MAPK10: variants seen among roughly 807,000 people sequenced by gnomAD.
MAPK10 encodes the protein JNK3 alpha protein kinase.
Under a neutral mutation model 59.3 loss-of-function variants are expected in MAPK10, and 25 were observed. The observed-to-expected ratio is 0.42, with a 90% CI of 0.31 to 0.59. The LOEUF is 0.59. MAPK10 is among the 20% of genes least tolerant of loss of function. The pLI, the probability that MAPK10 is intolerant of heterozygous loss-of-function variation, is 0.15. For missense variants in MAPK10, 351 were observed against 568.9 expected, an observed-to-expected ratio of 0.62 and a Z score of 3.90; for synonymous variants, 190 against 200.5, an observed-to-expected ratio of 0.95 and a Z score of 0.44.
rs546079724 is a variant in MAPK10, at chr4:86,203,969, G to A, written c.-6-9562C>T. On this transcript the variant is annotated intron_variant, in intron 2 of 13. Transcript: ENST00000641462. ...CTTAGAGCACGAGGCAGCAAGTTAT[G>A]GTCCATCAGTCAAATTCAGTTAATC... Among the ~76,000 whole-genome samples the A allele has an allele frequency of 9.2e-5, 14 of 151,832 alleles. No individual in the cohort carries two copies. The South Asian group carries it at 1.5e-3, about 16-fold the overall frequency.
At chr4:86,558,381 T>G (rs763549617) in intron 1 of MAPK10, among the ~76,000 whole-genome samples, 2 of 152,146 alleles carry the variant, frequency 1.3e-5, no homozygotes, top group Non-Finnish European at 2.9e-5. Flanking sequence ...CCTTCGAAAC[T>G]CTTTATGGGC....
intron 1 of MAPK10, among the ~76,000 whole-genome samples, chr4:86,516,770 G>A (rs1161408822): frequency 6.6e-6 from 1 of 152,136 alleles, no homozygotes; most frequent in Non-Finnish European, 1.5e-5. Context: ...TTTTTATCCT[G>A]AAATTTTACT....
chr4:86,260,589 T>C (rs894083218), intron 2 of MAPK10, among the ~76,000 whole-genome samples: 4 of 152,092 alleles, frequency 2.6e-5, no homozygotes, highest in Non-Finnish European at 4.4e-5. Flanking sequence ...ATAATTTCCA[T>C]AGTAGCTCCC....
At chr4:86,540,356 C>T (rs908500094) in intron 1 of MAPK10, among the ~76,000 whole-genome samples, 4 of 152,004 alleles carry the variant, frequency 2.6e-5, no homozygotes, top group African/African-American at 7.2e-5. Context: ...ACAAATTAGC[C>T]GGGTATGGTG....
At chr4:86,552,500 GGAAAGGAA>G (rs1565031824) in intron 1 of MAPK10, among the ~76,000 whole-genome samples, 2 of 41,072 alleles carry the variant, frequency 4.9e-5, no homozygotes, top group African/African-American at 7.4e-5. Context: ...AGGGAGGGAA[GGAAAGGAA>G]GGAAGGAAGG....
intron 1 of MAPK10, among the ~76,000 whole-genome samples, chr4:86,415,053 T>C (rs1180873462): frequency 6.6e-6 from 1 of 151,448 alleles, no homozygotes; most frequent in Non-Finnish European, 1.5e-5. Flanking sequence ...GGTGAAAGGA[T>C]TGCTTGACCC....
rs143050691 is a variant in MAPK10, at chr4:86,540,128, G to A, written c.-263+53782C>T. On this transcript the variant is annotated intron_variant, in intron 1 of 4. Coordinates refer to the MAPK10 transcript ENST00000502302. ...ATCAGAGCCATTGTCTTTGGGAGAG[G>A]AGAAATCCATTGCATGCTTAAATGT... Among the ~76,000 whole-genome samples the A allele has an allele frequency of 9.6e-3, 1,466 of 152,300 alleles. 15 individuals are homozygous for A. Among genetic ancestry groups the A allele is most frequent in the Middle Eastern group, 0.075 (22 of 294 alleles).
chr4:86,532,075 T>C (rs1430789858), intron 1 of MAPK10, among the ~76,000 whole-genome samples: 2 of 147,462 alleles, frequency 1.4e-5, no homozygotes, highest in Admixed American at 6.8e-5. Context: ...ATTATTTTTA[T>C]ATATATACAT....
At chr4:86,542,166 TA>T (rs1416538362) in intron 1 of MAPK10, among the ~76,000 whole-genome samples, 3 of 152,008 alleles carry the variant, frequency 2.0e-5, no homozygotes, top group African/African-American at 7.3e-5. Context: ...TCCAGAAAAA[TA>T]ACATTAAGAA....
intron 9 of MAPK10, among the ~76,000 whole-genome samples, chr4:86,084,716 G>A (rs1042830878): frequency 4.8e-5 from 7 of 144,504 alleles, no homozygotes; most frequent in African/African-American, 2.0e-4. Flanking sequence ...ATCAAAATAC[G>A]AATGGTGTTC....
chr4:86,327,398 T>C (rs1309884354), intron 2 of MAPK10: 1 of 152,024 alleles, frequency 6.6e-6, no homozygotes, highest in Non-Finnish European at 1.5e-5. Context: ...CCCAAAAAAT[T>C]ATCTCACTTT....
chr4:86,524,665 T>C (rs1757342048), intron 1 of MAPK10, among the ~76,000 whole-genome samples: 1 of 152,208 alleles, frequency 6.6e-6, no homozygotes, highest in Non-Finnish European at 1.5e-5. Flanking sequence ...TTCCTAAACA[T>C]GTTTCTGGTC....
At chr4:86,504,401 G>A (rs963965628) in intron 1 of MAPK10, among the ~76,000 whole-genome samples, 1 of 152,020 alleles carries the variant, frequency 6.6e-6, no homozygotes, top group Non-Finnish European at 1.5e-5. Context: ...ACATCCTTCC[G>A]ATTATTGTCT....
intron 1 of MAPK10, among the ~76,000 whole-genome samples, chr4:86,588,226 C>T (rs531984047): frequency 1.6e-4 from 24 of 152,202 alleles, no homozygotes; most frequent in Admixed American, 5.9e-4. Context: ...GTCATGAGTA[C>T]GGTCCCAAAG....
intron 2 of MAPK10, among the ~76,000 whole-genome samples, chr4:86,256,734 CTTTTTTTTTTT>C (rs767737802): frequency 1.7e-5 from 1 of 59,638 alleles, no homozygotes; most frequent in Non-Finnish European, 2.8e-5. Context: ...TTCTTTCTTT[CTTTTTTTTTTT>C]TTTTTTTTTT....
chr4:86,058,205 A>G (rs979313477), intron 11 of MAPK10, among the ~76,000 whole-genome samples: 2 of 149,580 alleles, frequency 1.3e-5, no homozygotes, highest in Admixed American at 6.6e-5. Context: ...TCTAACATCT[A>G]AAGTCTTCTC....
chr4:86,525,502 A>ACTT (rs1478166848), intron 1 of MAPK10, among the ~76,000 whole-genome samples: 1 of 152,154 alleles, frequency 6.6e-6, no homozygotes, highest in African/African-American at 2.4e-5. Context: ...AAACAAGTGA[A>ACTT]CTTCTCCACC....
chr4:86,098,714 C>T, intron 8 of MAPK10, 119 bp from the exon 9 acceptor site: 1 of 853,560 alleles, frequency 1.2e-6, no homozygotes, highest in Non-Finnish European at 1.9e-6. Flanking sequence ...TTTTCACCTC[C>T]CACCAAAAGT....
Position 86,014,508 on chromosome 4 carries a change from A to AC in MAPK10, c.*2719dup, listed in dbSNP as rs1481235181. The AC allele has an allele frequency of 3.3e-5, 5 of 151,912 alleles. No individual in the cohort carries two copies. Among genetic ancestry groups the AC allele is most frequent in the Non-Finnish European group, 7.4e-5 (5 of 68,008 alleles). 9.4% of individuals were successfully genotyped at this position (151,912 alleles called of 1,614,324 possible). ...TTCCATCATCTGCCTTGCTTTAATC[A>AC]CCTAATAAAACTGATCCTGCAAAAA... On this transcript the variant is annotated 3_prime_UTR_variant, in exon 14 of 14. Coordinates refer to ENST00000641462, the MANE Select transcript of MAPK10 (RefSeq NM_138982.4).
Sources: allele counts gnomAD v4.1 joint callset (sites outside exome capture counted in the v4.1 genomes callset), GRCh38; gene constraint gnomAD v4.1.1; transcripts MANE v1.5; gene names NCBI Gene and HGNC (gene_info 2026-07-23, HGNC 2026-07-21).